Variants in RFX8 observed in about 807,000 individuals in gnomAD.
The protein encoded by RFX8 is regulatory factor X8.
In RFX8, 46 loss-of-function variants were observed where a neutral mutation model predicts 54.6. The ratio of observed to expected loss-of-function variants is 0.84; its 90% CI spans 0.67 to 1.08. The LOEUF (loss-of-function observed/expected upper bound fraction) is 1.08. Ranked by LOEUF, RFX8 falls within the 50% of genes least tolerant of loss-of-function variation. RFX8 has a pLI of 0.00. For missense variants in RFX8, 536 were observed against 562.3 expected (o/e 0.95, Z 0.47); for synonymous variants, 192 against 209.5 (o/e 0.92, Z 0.72).
intron 2 of RFX8, among the ~76,000 whole-genome samples, chr2:101,447,697 T>C (rs1271270493): frequency 6.6e-6 from 1 of 152,236 alleles, no homozygotes; most frequent in Non-Finnish European, 1.5e-5. Flanking sequence ...GGCTATCAAA[T>C]ACTAGAACTT....
rs1686604540 is a variant in RFX8 at position 101,417,589 on chromosome 2, C to A, written c.447G>T (p.Trp149Cys). 6.4e-7 allele frequency: 1 copy of A among 1,551,574 alleles called. No homozygotes were observed. The change falls in exon 6 of 12, where the codon TGG (tryptophan) becomes TGT (cysteine). Residue 149 changes from tryptophan (W) to cysteine (C), a missense_variant. Transcript: ENST00000428343. The part of the protein sequence containing the change: ...VQLFSKKFKL[W>C]LLNALEGVPA... ...GAACACCTTCCAAAGCATTAAGGAG[C>A]CACAGCTTAAATTTCTTACTAAATA...
chr2:101,404,123 G>A (rs1685596028), intron 10 of RFX8, among the ~76,000 whole-genome samples: 1 of 152,196 alleles, frequency 6.6e-6, no homozygotes, highest in Non-Finnish European at 1.5e-5. Context: ...AGAAGGCTGT[G>A]CCAACCTTTT....
intron 9 of RFX8, among the ~76,000 whole-genome samples, chr2:101,410,385 C>CCA (rs1457992778): frequency 4.1e-5 from 3 of 73,358 alleles, no homozygotes; most frequent in African/African-American, 1.7e-4. Context: ...AAACATATGC[C>CCA]CACACTCACA....
At chr2:101,462,772 G>C (rs1689351009) in intron 2 of RFX8, among the ~76,000 whole-genome samples, 1 of 152,150 alleles carries the variant, frequency 6.6e-6, no homozygotes, top group Admixed American at 6.5e-5. Flanking sequence ...TTCCAGGCTT[G>C]ATGCTGTTAA....
chr2:101,468,525 A>G (rs887859781), intron 1 of RFX8, among the ~76,000 whole-genome samples: 2 of 151,976 alleles, frequency 1.3e-5, no homozygotes, highest in Non-Finnish European at 1.5e-5. Flanking sequence ...CCTGGGCTCG[A>G]GCGCTCCACC....
intron 2 of RFX8, among the ~76,000 whole-genome samples, chr2:101,453,630 T>C (rs2148976337): frequency 6.6e-6 from 1 of 152,286 alleles, no homozygotes; most frequent in East Asian, 1.9e-4. Flanking sequence ...CCAGTCTTTT[T>C]TTCAAAGCCC....
chr2:101,434,371 T>C (rs1217855523), intron 2 of RFX8, among the ~76,000 whole-genome samples: 7 of 152,212 alleles, frequency 4.6e-5, no homozygotes, highest in Admixed American at 1.3e-4. Context: ...ATTACTGTTA[T>C]ATTACTTAAC....
chr2:101,428,872 G>T, intron 2 of RFX8: 1 of 879,654 alleles, frequency 1.1e-6, no homozygotes, highest in Non-Finnish European at 1.8e-6. Context: ...AGTACGCACA[G>T]AAAAACAGCT....
intron 5 of RFX8, 70 bp downstream of exon 5, chr2:101,418,781 G>A (rs1049325107): frequency 2.2e-6 from 2 of 900,554 alleles, no homozygotes; most frequent in Non-Finnish European, 3.6e-6. Context: ...GTGGAGCTGT[G>A]GGTCCAAACC....
chr2:101,444,405 A>C (rs1341283675), intron 2 of RFX8, among the ~76,000 whole-genome samples: 1 of 152,212 alleles, frequency 6.6e-6, no homozygotes, highest in Non-Finnish European at 1.5e-5. Context: ...TCTGTCTAAA[A>C]CAGAAGATTT....
chr2:101,463,398 G>A (rs748854206), intron 2 of RFX8, among the ~76,000 whole-genome samples: 6 of 152,226 alleles, frequency 3.9e-5, no homozygotes, highest in Non-Finnish European at 7.3e-5. Context: ...GGTGGGCAGT[G>A]AGGGCAGGGC....
chr2:101,420,546 C>G (rs1318211453), intron 4 of RFX8, among the ~76,000 whole-genome samples: 1 of 151,060 alleles, frequency 6.6e-6, no homozygotes, highest in Non-Finnish European at 1.5e-5. Flanking sequence ...GCGTCTCACA[C>G]ACACACACAA....
intron 10 of RFX8, among the ~76,000 whole-genome samples, chr2:101,404,828 A>G (rs535712839): frequency 1.3e-5 from 2 of 152,288 alleles, no homozygotes; most frequent in Admixed American, 1.3e-4. Context: ...CAGTGAAGGG[A>G]AGAGTCCCAC....
intron 7 of RFX8, 45 bp from the exon 8 acceptor site, chr2:101,413,116 T>G: frequency 1.3e-6 from 2 of 1,508,934 alleles, no homozygotes; most frequent in Non-Finnish European, 8.9e-7. Flanking sequence ...ATCTGGTCAT[T>G]TTATTTTTGC....
chr2:101,453,839 C>A (rs1688826763), intron 2 of RFX8, among the ~76,000 whole-genome samples: 1 of 152,058 alleles, frequency 6.6e-6, no homozygotes, highest in Non-Finnish European at 1.5e-5. Flanking sequence ...ATAGTCCAAC[C>A]TGTGAGAATG....
chr2:101,425,889 A>G (rs1019433671), intron 2 of RFX8, among the ~76,000 whole-genome samples: 3 of 152,242 alleles, frequency 2.0e-5, no homozygotes, highest in African/African-American at 7.2e-5. Flanking sequence ...TGTGGAAACA[A>G]TAATTCAGCA....
intron 10 of RFX8, 44 bp from the exon 11 acceptor site, chr2:101,402,796 G>A: frequency 6.8e-7 from 1 of 1,476,684 alleles, no homozygotes; most frequent in Non-Finnish European, 9.1e-7. Flanking sequence ...TTGATCGACA[G>A]ACAATAAACA....
intron 2 of RFX8, among the ~76,000 whole-genome samples, chr2:101,449,803 G>A (rs1329851261): frequency 6.6e-6 from 1 of 152,100 alleles, no homozygotes; most frequent in African/African-American, 2.4e-5. Flanking sequence ...ACAGTAGGAA[G>A]AGTAATGGCG....
intron 1 of RFX8, among the ~76,000 whole-genome samples, chr2:101,469,094 GTA>G (rs1370511399): frequency 9.8e-4 from 10 of 10,250 alleles, no homozygotes; most frequent in African/African-American, 4.6e-3. Context: ...ATATATATAA[GTA>G]TATATATATA....
Sources: allele counts gnomAD v4.1 joint callset (sites outside exome capture counted in the v4.1 genomes callset), GRCh38; gene constraint gnomAD v4.1.1; transcripts MANE v1.5; gene names NCBI Gene and HGNC (gene_info 2026-07-23, HGNC 2026-07-21).